SETD2: variants seen among roughly 807,000 people sequenced by gnomAD.
SETD2 encodes SET domain containing 2, histone lysine methyltransferase, also known as histone-lysine N-methyltransferase SETD2.
Under a neutral mutation model 242.1 loss-of-function variants are expected in SETD2, and 31 were observed. The ratio of observed to expected loss-of-function variants is 0.13; its 90% CI spans 0.10 to 0.17. The LOEUF (loss-of-function observed/expected upper bound fraction) is 0.17, where lower values mean the gene tolerates loss of function less well. SETD2 is among the 10% of genes least tolerant of loss of function. The pLI, the probability that SETD2 is intolerant of heterozygous loss-of-function variation, is 1.00. For missense variants in SETD2, 2,481 were observed against 3,046.3 expected, an observed-to-expected ratio of 0.81 and a Z score of 4.37; for synonymous variants, 1,006 against 1,066.5, an observed-to-expected ratio of 0.94 and a Z score of 1.11.
At chr3:47,112,801 G>A (rs1242625216) in intron 5 of SETD2, among the ~76,000 whole-genome samples, 1 of 152,164 alleles carries the variant, frequency 6.6e-6, no homozygotes, top group Non-Finnish European at 1.5e-5. Flanking sequence ...TGTTGGCCAG[G>A]CTGGTCTCGA....
intron 1 of SETD2, among the ~76,000 whole-genome samples, chr3:47,137,912 C>T (rs1450515740): frequency 6.6e-6 from 1 of 151,890 alleles, no homozygotes; most frequent in Non-Finnish European, 1.5e-5. Flanking sequence ...TGGTCTCGAA[C>T]TCCTGACCTC....
chr3:47,163,725 G>T, intron 1 of SETD2, 129 bp downstream of exon 1: 1 of 483,144 alleles, frequency 2.1e-6, no homozygotes, highest in Non-Finnish European at 2.8e-6. Flanking sequence ...TCCCGACACC[G>T]ACCGCGCGAG....
chr3:47,138,304 C>G (rs1332893430), intron 1 of SETD2: 1 of 307,636 alleles, frequency 3.3e-6, no homozygotes, highest in Admixed American at 3.0e-5. Context: ...AAGTCTCACT[C>G]TGTCGCCCAG....
intron 15 of SETD2, among the ~76,000 whole-genome samples, chr3:47,049,523 C>G (rs1401415731): frequency 6.8e-6 from 1 of 147,106 alleles, no homozygotes; most frequent in African/African-American, 2.5e-5. Context: ...CAGGTGCCCA[C>G]CACCACACCT....
Position 47,019,747 on chromosome 3 carries a change from C to T in SETD2, c.7431+13G>A. 1 of 1,608,978 alleles carries T rather than the reference C, an allele frequency of 6.2e-7. No individual in the cohort carries two copies. On this transcript the variant is annotated intron_variant, in intron 19 of 20. Coordinates refer to ENST00000409792, the MANE Select transcript of SETD2 (RefSeq NM_014159.7). ...GCCTGAGGAGCTTAGTGCTTATATC[C>T]ACCAAACCTTACCTCTTTTCTGAAT...
intron 1 of SETD2, among the ~76,000 whole-genome samples, chr3:47,144,900 G>C (rs762252112): frequency 6.6e-6 from 1 of 152,044 alleles, no homozygotes; most frequent in Non-Finnish European, 1.5e-5. Flanking sequence ...GCAGTGAGCT[G>C]AGATCACACC....
chr3:47,061,009 G>A (rs2040307637), intron 14 of SETD2, among the ~76,000 whole-genome samples: 1 of 152,172 alleles, frequency 6.6e-6, no homozygotes, highest in African/African-American at 2.4e-5. Context: ...ACGAGGTCAG[G>A]AGATCGAGAC....
intron 9 of SETD2, among the ~76,000 whole-genome samples, chr3:47,096,571 CAAAAAAAAA>C: frequency 3.1e-5 from 1 of 31,974 alleles, no homozygotes; most frequent in Middle Eastern, 0.015. Flanking sequence ...GATTTTGCCT[CAAAAAAAAA>C]AAAAAAAAAA....
intron 10 of SETD2, among the ~76,000 whole-genome samples, chr3:47,086,555 T>C (rs905258517): frequency 2.6e-5 from 4 of 152,182 alleles, no homozygotes; most frequent in African/African-American, 4.8e-5. Flanking sequence ...TTTACTAACG[T>C]AGAAAATTAT....
chr3:47,146,181 G>T (rs956559090), intron 1 of SETD2, among the ~76,000 whole-genome samples: 7 of 152,042 alleles, frequency 4.6e-5, no homozygotes, highest in Admixed American at 2.0e-4. Flanking sequence ...TATATTAGGA[G>T]CAAAAGCTCT....
chr3:47,095,734 G>A (rs1414417048), intron 9 of SETD2, among the ~76,000 whole-genome samples: 1 of 148,274 alleles, frequency 6.7e-6, no homozygotes, highest in Non-Finnish European at 1.5e-5. Context: ...AGGAAAATAT[G>A]TCAATAAACT....
At position 47,164,018 on chromosome 3, in the gene SETD2, GGCGGCGGC is replaced by G. The variant is rs1697593577; in HGVS notation, c.-102_-95del. ...AGGAGGCCGCAGGTCCGACCGCGGCGGCGGCGGCGGCGGCGGCGGCGGCGGCAGGGGCG... is the reference window on the plus strand; with the variant it reads ...AGGAGGCCGCAGGTCCGACCGCGGCGGGCGGCGGCGGCGGCGGCAGGGGCG... On this transcript the variant is annotated 5_prime_UTR_variant, in exon 1 of 21. Coordinates refer to ENST00000409792, the MANE Select transcript of SETD2 (RefSeq NM_014159.7). This position sits in a 1 kb window ranked among gnomAD's most constrained non-coding sequence, Gnocchi z 5.4. The G allele has an allele frequency of 2.6e-5, 1 of 38,914 alleles. No individual in the cohort carries two copies. Among genetic ancestry groups the G allele is most frequent in the Non-Finnish European group, 3.2e-5 (1 of 30,940 alleles). The allele number at this position is 38,914 out of a possible 1,614,324, so 2.4% of individuals were successfully genotyped here.
chr3:47,036,905 T>TAAAAAAAAAAAAAAAAAAA (rs60186354), intron 18 of SETD2, among the ~76,000 whole-genome samples: 5 of 117,882 alleles, frequency 4.2e-5, no homozygotes, highest in African/African-American at 1.8e-4. Flanking sequence ...CCGTCTCATT[T>TAAAAAAAAAAAAAAAAAAA]AAAAAAAAAA....
chr3:47,161,995 C>T (rs1697501225), intron 1 of SETD2, among the ~76,000 whole-genome samples: 1 of 151,728 alleles, frequency 6.6e-6, no homozygotes, highest in African/African-American at 2.4e-5. Flanking sequence ...ATTTCTACTA[C>T]ATTAAAGCAA....
chr3:47,095,040 T>G (rs1197568729), intron 9 of SETD2, among the ~76,000 whole-genome samples: 21 of 152,254 alleles, frequency 1.4e-4, no homozygotes, highest in Admixed American at 1.4e-3. Flanking sequence ...TGCCACCTCT[T>G]AATCCATAGT....
At chr3:47,109,705 G>A (rs2042576044) in intron 5 of SETD2, among the ~76,000 whole-genome samples, 1 of 152,004 alleles carries the variant, frequency 6.6e-6, no homozygotes, top group Admixed American at 6.6e-5. Context: ...CCTCATTTCG[G>A]CCAGCCACGG....
intron 18 of SETD2, among the ~76,000 whole-genome samples, chr3:47,030,666 G>A (rs536350613): frequency 6.6e-6 from 1 of 151,932 alleles, no homozygotes; most frequent in Non-Finnish European, 1.5e-5. Context: ...CAAGACATAT[G>A]GGGGAAAAAG....
In SETD2 at chr3:47,016,855, A is replaced by C. The variant is rs1425330229; in HGVS notation, c.*238T>G. The stretch of plus-strand genomic sequence containing the variant: ...GTCAGGTCTGGCCAGGGTCTTTTCT[A>C]AGCCCTTGCACCTCTGATGGCTTCT... On this transcript the variant is annotated 3_prime_UTR_variant, in exon 21 of 21. Transcript: ENST00000409792. 1 of 501,040 alleles carries C rather than the reference A, an allele frequency of 2.0e-6. No individual in the cohort carries two copies. Among genetic ancestry groups the C allele is most frequent in the African/African-American group, 1.9e-5 (1 of 52,586 alleles). 31.0% of individuals were successfully genotyped at this position (501,040 alleles called of 1,614,324 possible).
At chr3:47,019,726 G>C in intron 19 of SETD2, 34 bp downstream of exon 19, 1 of 1,544,516 alleles carries the variant, frequency 6.5e-7, no homozygotes, top group Non-Finnish European at 9.0e-7. Flanking sequence ...ATTTAAGCCT[G>C]AGGAGCTTAG....
Sources: allele counts gnomAD v4.1 joint callset (sites outside exome capture counted in the v4.1 genomes callset), GRCh38; gene constraint gnomAD v4.1.1; non-coding constraint Gnocchi (gnomAD v3.1); transcripts MANE v1.5; gene names NCBI Gene and HGNC (gene_info 2026-07-23, HGNC 2026-07-21).